JAKMIP2: variants seen among roughly 807,000 people sequenced by gnomAD.
The protein encoded by JAKMIP2 is janus kinase and microtubule interacting protein 2.
In JAKMIP2, 25 loss-of-function variants were observed where a neutral mutation model predicts 115.0. The observed-to-expected ratio is 0.22, with a 90% CI of 0.16 to 0.30. The LOEUF is 0.30. JAKMIP2 is among the 10% of genes least tolerant of loss of function. JAKMIP2 has a pLI of 1.00. For missense variants in JAKMIP2, 642 were observed against 957.6 expected (o/e 0.67, Z 4.35); for synonymous variants, 334 against 343.6 (o/e 0.97, Z 0.31).
Position 147,620,691 on chromosome 5 carries a change from T to C in JAKMIP2, c.2117A>G (p.Lys706Arg), listed in dbSNP as rs1756809810. The change falls in exon 18 of 22, where the codon AAA becomes AGA. Residue 706 changes from lysine (K) to arginine (R), a missense_variant. Lys to Arg is a conservative substitution (Grantham distance 26). Transcript: ENST00000616793. ...GYLEEELDYR[K>R]QALDQAYMRI... ...CATATATGCTTGGTCAAGAGCTTGT[T>C]TTCTGTAGTCTAGTTCTTCCTCCAG... 6.2e-7 allele frequency: 1 copy of C among 1,613,682 alleles called. No individual in the cohort carries two copies. The highest frequency in any genetic ancestry group is 8.5e-7 in the Non-Finnish European group (1 of 1,179,706).
intron 1 of JAKMIP2, among the ~76,000 whole-genome samples, chr5:147,708,654 G>A (rs1487751948): frequency 6.6e-6 from 1 of 152,166 alleles, no homozygotes; most frequent in Non-Finnish European, 1.5e-5. Flanking sequence ...CAATGTTCCT[G>A]AAATCGAGAT....
intron 1 of JAKMIP2, among the ~76,000 whole-genome samples, chr5:147,699,598 T>G (rs1752245310): frequency 6.6e-6 from 1 of 151,980 alleles, no homozygotes; most frequent in Non-Finnish European, 1.5e-5. Flanking sequence ...GAACTAGTTT[T>G]CTTGAACATC....
At chr5:147,715,276 T>A (rs1385197055) in intron 1 of JAKMIP2, among the ~76,000 whole-genome samples, 6 of 151,904 alleles carry the variant, frequency 3.9e-5, no homozygotes, top group African/African-American at 1.4e-4. Context: ...ACAAAAAACA[T>A]AATGAGGTAG....
chr5:147,715,201 C>T (rs1752926447), intron 1 of JAKMIP2, among the ~76,000 whole-genome samples: 2 of 151,980 alleles, frequency 1.3e-5, no homozygotes, highest in South Asian at 4.2e-4. Flanking sequence ...TAAAAAATTT[C>T]CTGTCGATTC....
At chr5:147,612,799 T>C (rs958926454) in intron 19 of JAKMIP2, among the ~76,000 whole-genome samples, 47 of 152,320 alleles carry the variant, frequency 3.1e-4, no homozygotes, top group African/African-American at 1.1e-3. Flanking sequence ...AGCTTTGTTA[T>C]GAACCATTTG....
chr5:147,695,650 CTGTGTGTGTG>C (rs572202242), intron 1 of JAKMIP2, among the ~76,000 whole-genome samples: 1 of 142,904 alleles, frequency 7.0e-6, no homozygotes, highest in Admixed American at 7.1e-5. Context: ...AGTGAAAGGT[CTGTGTGTGTG>C]TGTGTGTGTG....
At chr5:147,607,706 A>G (rs192618227) in intron 20 of JAKMIP2, among the ~76,000 whole-genome samples, 16 of 152,308 alleles carry the variant, frequency 1.1e-4, no homozygotes, top group Admixed American at 2.6e-4. Flanking sequence ...GTTAGGGAGA[A>G]GTCCCTTTTT....
intron 1 of JAKMIP2, among the ~76,000 whole-genome samples, chr5:147,719,879 G>C (rs1753189680): frequency 6.6e-6 from 1 of 152,090 alleles, no homozygotes; most frequent in Non-Finnish European, 1.5e-5. Flanking sequence ...GTGTGAATTT[G>C]ATCCTGTCAT....
intron 17 of JAKMIP2, among the ~76,000 whole-genome samples, chr5:147,622,335 T>C (rs116727788): frequency 6.6e-6 from 1 of 152,346 alleles, no homozygotes; most frequent in Non-Finnish European, 1.5e-5. Context: ...ACAAAGTATA[T>C]TCACATTGTT....
intron 4 of JAKMIP2, among the ~76,000 whole-genome samples, chr5:147,649,366 A>G (rs1386937377): frequency 6.6e-6 from 1 of 152,198 alleles, no homozygotes; most frequent in Non-Finnish European, 1.5e-5. Flanking sequence ...ACCATGCTCA[A>G]CATTTTACAT....
intron 1 of JAKMIP2, among the ~76,000 whole-genome samples, chr5:147,718,763 A>G (rs1466553186): frequency 4.6e-5 from 7 of 152,086 alleles, no homozygotes; most frequent in South Asian, 2.1e-4. Context: ...TCTTGCTAGC[A>G]GTCTATCAAT....
At chr5:147,780,851 G>C (rs1349166995) in intron 1 of JAKMIP2, among the ~76,000 whole-genome samples, 1 of 152,164 alleles carries the variant, frequency 6.6e-6, no homozygotes, top group Non-Finnish European at 1.5e-5. Flanking sequence ...AAAAATGTCT[G>C]TACTGACAAT....
Position 147,601,751 on chromosome 5 carries a change from C to A in JAKMIP2, c.*10G>T, listed in dbSNP as rs2126585347. The A allele has an allele frequency of 6.6e-7, 1 of 1,523,510 alleles. No homozygotes were observed. The highest frequency in any genetic ancestry group is 8.8e-7 in the Non-Finnish European group (1 of 1,133,676). The allele number at this position is 1,523,510 out of a possible 1,614,324, so 94.4% of individuals were successfully genotyped here. ...TAAATGGAATCTTACCTTTAAGAGGCACCTTGACATCAAGGCCATAGAATA... is the reference window on the plus strand; with the variant it reads ...TAAATGGAATCTTACCTTTAAGAGGAACCTTGACATCAAGGCCATAGAATA... On this transcript the variant is annotated 3_prime_UTR_variant, in exon 21 of 22. Transcript: ENST00000616793.
chr5:147,629,126 A>C (rs1757244954), intron 15 of JAKMIP2, among the ~76,000 whole-genome samples: 1 of 152,176 alleles, frequency 6.6e-6, no homozygotes, highest in South Asian at 2.1e-4. Flanking sequence ...CTCTTCATAG[A>C]AGTTTTGATG....
chr5:147,612,475 A>G (rs1756381923), intron 19 of JAKMIP2, 104 bp from the exon 20 acceptor site: 1 of 625,914 alleles, frequency 1.6e-6, no homozygotes, highest in East Asian at 2.8e-5. Context: ...AAACCTGAAT[A>G]TTTGTACAAG....
intron 4 of JAKMIP2, among the ~76,000 whole-genome samples, chr5:147,649,847 A>G (rs942241408): frequency 6.6e-6 from 1 of 152,174 alleles, no homozygotes; most frequent in Non-Finnish European, 1.5e-5. Flanking sequence ...TTTCTCATAT[A>G]AAATGATGAA....
chr5:147,751,319 C>T (rs1205478287), intron 1 of JAKMIP2, among the ~76,000 whole-genome samples: 1 of 145,772 alleles, frequency 6.9e-6, no homozygotes, highest in Non-Finnish European at 1.5e-5. Flanking sequence ...AGGATGGTCT[C>T]CATCTCCTGA....
chr5:147,763,526 C>G (rs1755007606), intron 1 of JAKMIP2, among the ~76,000 whole-genome samples: 1 of 152,060 alleles, frequency 6.6e-6, no homozygotes, highest in African/African-American at 2.4e-5. Flanking sequence ...ATCCTAGATG[C>G]ATTGCAGGAA....
chr5:147,681,516 T>C (rs1376032041), intron 1 of JAKMIP2, among the ~76,000 whole-genome samples: 1 of 152,212 alleles, frequency 6.6e-6, no homozygotes, highest in Non-Finnish European at 1.5e-5. Flanking sequence ...CATTTTCACT[T>C]TGAAGATATT....
Sources: gnomAD v4.1 joint callset for allele counts (sites outside exome capture counted in the v4.1 genomes callset) on GRCh38, gnomAD v4.1.1 for gene constraint, MANE v1.5 for transcripts, NCBI Gene and HGNC (gene_info 2026-07-23, HGNC 2026-07-21) for gene names.